The following INSC variants were observed in gnomAD, a reference collection of about 807,000 sequenced individuals.
The protein encoded by INSC is INSC spindle orientation adaptor protein.
Under a neutral mutation model 58.6 loss-of-function variants are expected in INSC, and 67 were observed. The ratio of observed to expected loss-of-function variants is 1.14; its 90% CI spans 0.94 to 1.40. The LOEUF (loss-of-function observed/expected upper bound fraction) is 1.40, where lower values mean the gene tolerates loss of function less well. Among genes scored for constraint, INSC ranks in the 40% most tolerant of loss-of-function variants. The probability of loss-of-function intolerance (pLI) is 0.00; values close to 1 mark genes in which losing one functional copy is unlikely to be tolerated. For missense variants in INSC, 714 were observed against 692.0 expected (o/e 1.03, Z -0.36); for synonymous variants, 262 against 276.1 (o/e 0.95, Z 0.51).
chr11:15,262,230 A>C, the INSC span, among the ~76,000 whole-genome samples: 1 of 152,136 alleles, frequency 6.6e-6, no homozygotes, highest in African/African-American at 2.4e-5. Context: ...ACACACATTG[A>C]AAACAATGGA....
chr11:15,267,113 T>A, the INSC span, among the ~76,000 whole-genome samples: 2 of 152,024 alleles, frequency 1.3e-5, no homozygotes, highest in African/African-American at 4.8e-5. Flanking sequence ...TCTTGCAGGA[T>A]GTAAAATTCT....
At chr11:15,149,418 A>G (rs1171120585) in intron 2 of INSC, among the ~76,000 whole-genome samples, 188 bp downstream of exon 2, 1 of 152,200 alleles carries the variant, frequency 6.6e-6, no homozygotes, top group Admixed American at 6.5e-5. Context: ...GGGCCCTGGG[A>G]CACTGAAGAA....
intron 12 of INSC, among the ~76,000 whole-genome samples, chr11:15,245,219 A>G (rs1178972795): frequency 6.6e-6 from 1 of 152,122 alleles, no homozygotes; most frequent in African/African-American, 2.4e-5. Context: ...TCTCTGCTTC[A>G]GGATAATTGG....
chr11:15,224,441 T>A (rs1475638493), intron 8 of INSC, among the ~76,000 whole-genome samples: 1 of 152,242 alleles, frequency 6.6e-6, no homozygotes, highest in African/African-American at 2.4e-5. Context: ...CTTCAGAACC[T>A]GGAAGTATAG....
intron 7 of INSC, among the ~76,000 whole-genome samples, chr11:15,212,287 GACAGGTTTC>G (rs1344742801): frequency 1.3e-5 from 2 of 152,110 alleles, no homozygotes; most frequent in Non-Finnish European, 2.9e-5. Flanking sequence ...TTTTAGTAGA[GACAGGTTTC>G]ACCGTGTTAG....
chr11:15,240,411 G>C, intron 11 of INSC, 36 bp from the exon 12 acceptor site: 2 of 1,593,838 alleles, frequency 1.3e-6, no homozygotes, highest in Non-Finnish European at 1.7e-6. Flanking sequence ...GCTGGGCCCT[G>C]TCCTGGGCCT....
intron 6 of INSC, among the ~76,000 whole-genome samples, chr11:15,194,591 C>A (rs1235331371): frequency 6.6e-6 from 1 of 152,176 alleles, no homozygotes; most frequent in Non-Finnish European, 1.5e-5. Flanking sequence ...TATGTAATAG[C>A]AATAGCTAAC....
chr11:15,254,961 C>T, the INSC span, among the ~76,000 whole-genome samples: 1 of 152,214 alleles, frequency 6.6e-6, no homozygotes, highest in South Asian at 2.1e-4. Flanking sequence ...AGCACTTGTT[C>T]TGTGCCAGGC....
At chr11:15,264,828 G>A in the INSC span, among the ~76,000 whole-genome samples, 1 of 152,016 alleles carries the variant, frequency 6.6e-6, no homozygotes, top group Non-Finnish European at 1.5e-5. Context: ...GTAACCTATT[G>A]ATAGGTTCCA....
At chr11:15,204,360 C>A (rs891549023) in intron 7 of INSC, among the ~76,000 whole-genome samples, 9 of 152,240 alleles carry the variant, frequency 5.9e-5, no homozygotes, top group African/African-American at 2.2e-4. Flanking sequence ...ATTGTGCAGA[C>A]CCAGGACTCA....
At chr11:15,225,934 G>C (rs1303090178) in intron 9 of INSC, 106 bp downstream of exon 9, 11 of 1,155,098 alleles carry the variant, frequency 9.5e-6, no homozygotes, top group Non-Finnish European at 1.3e-5. Flanking sequence ...TGGGAGTCCT[G>C]TTAGTTTTGC....
intron 12 of INSC, among the ~76,000 whole-genome samples, chr11:15,241,029 G>A (rs1852329837): frequency 6.6e-6 from 1 of 152,196 alleles, no homozygotes; most frequent in Non-Finnish European, 1.5e-5. Flanking sequence ...GGACTATTCA[G>A]CAGCCACCTG....
intron 4 of INSC, 102 bp from the exon 5 acceptor site, chr11:15,178,222 C>T (rs1590404404): frequency 2.0e-6 from 3 of 1,481,784 alleles, no homozygotes; most frequent in Non-Finnish European, 2.7e-6. Flanking sequence ...ATGTCTTCAG[C>T]ACACACCAGG....
intron 6 of INSC, among the ~76,000 whole-genome samples, chr11:15,196,714 T>C (rs1419908134): frequency 6.6e-6 from 1 of 152,206 alleles, no homozygotes; most frequent in African/African-American, 2.4e-5. Context: ...AATTTATTTT[T>C]ATAGCACTCA....
chr11:15,221,344 G>T, intron 7 of INSC, 133 bp from the exon 8 acceptor site: 1 of 985,736 alleles, frequency 1.0e-6, no homozygotes, highest in Non-Finnish European at 1.5e-6. Context: ...TTCCACATGG[G>T]GTCCTGGGCT....
At chr11:15,146,014 CA>C (rs1386130898) in intron 1 of INSC, among the ~76,000 whole-genome samples, 1 of 152,230 alleles carries the variant, frequency 6.6e-6, no homozygotes, top group East Asian at 1.9e-4. Context: ...ACCTACTAAC[CA>C]GTGCTTCCCA....
rs1002471681 is a variant in INSC at position 15,152,477 on chromosome 11, T to A, written c.56+3247T>A. ...AACAGTAAAATGAAACTAGAAACTT[T>A]ACTGATCAGAAGTCAACTAACCTTT... On this transcript the variant is annotated intron_variant, in intron 2 of 12. Transcript: ENST00000379556. Among the ~76,000 whole-genome samples, 14 of 152,212 alleles carry A rather than the reference T, an allele frequency of 9.2e-5. 1 individual carries two copies. Among genetic ancestry groups the A allele is most frequent in the Admixed American group, 9.2e-4 (14 of 15,290 alleles).
the INSC span, among the ~76,000 whole-genome samples, chr11:15,262,685 CACAA>C: frequency 1.3e-5 from 2 of 151,384 alleles, no homozygotes; most frequent in African/African-American, 4.9e-5. Flanking sequence ...CACACACACA[CACAA>C]ACAGTATCTC....
At chr11:15,128,552 G>C (rs1410105687) in intron 1 of INSC, among the ~76,000 whole-genome samples, 1 of 152,194 alleles carries the variant, frequency 6.6e-6, no homozygotes, top group Admixed American at 6.5e-5. Context: ...CTAGGCTGAA[G>C]GTTTCTTCTC....
Sources: gnomAD v4.1 joint callset for allele counts (sites outside exome capture counted in the v4.1 genomes callset) on GRCh38, gnomAD v4.1.1 for gene constraint, MANE v1.5 for transcripts, NCBI Gene and HGNC (gene_info 2026-07-23, HGNC 2026-07-21) for gene names.